Variants in ROBO2 observed in about 807,000 individuals in gnomAD.
The protein encoded by ROBO2 is roundabout homolog 2.
ROBO2 carries 53 observed loss-of-function variants against 160.8 expected under a neutral mutation model. That is an observed-to-expected ratio of 0.33 (90% CI 0.26 to 0.41). ROBO2 has a LOEUF of 0.41. Among genes scored for constraint, ROBO2 ranks in the 10% least tolerant of loss-of-function variants. The pLI, the probability that ROBO2 is intolerant of heterozygous loss-of-function variation, is 1.00. For synonymous variants in ROBO2, 664 were observed against 611.7 expected (o/e 1.09, Z -1.26); for missense variants, 1,577 against 1,722.4 (o/e 0.92, Z 1.49).
chr3:76,684,421 T>C (rs2092641173), intron 2 of ROBO2, among the ~76,000 whole-genome samples: 1 of 152,142 alleles, frequency 6.6e-6, no homozygotes, highest in Non-Finnish European at 1.5e-5. Flanking sequence ...TTAATTCTAC[T>C]TCAATCCCAC....
intron 2 of ROBO2, among the ~76,000 whole-genome samples, chr3:76,243,036 C>T (rs1056273401): frequency 4.6e-5 from 7 of 152,170 alleles, no homozygotes; most frequent in Admixed American, 4.6e-4. Context: ...CTCTTTAAAT[C>T]TGTAAAAACG....
chr3:76,897,232 T>C (rs932058543), intron 2 of ROBO2, among the ~76,000 whole-genome samples: 2 of 152,146 alleles, frequency 1.3e-5, no homozygotes, highest in African/African-American at 4.8e-5. Context: ...ATGCTAATTA[T>C]ATTCTTGTGT....
intron 2 of ROBO2, among the ~76,000 whole-genome samples, chr3:77,271,806 T>C (rs1486241152): frequency 6.6e-6 from 1 of 152,214 alleles, no homozygotes; most frequent in Non-Finnish European, 1.5e-5. Flanking sequence ...TTTACCTTTA[T>C]CATGTAGTTT....
At chr3:76,134,228 G>T (rs2071340879) in intron 2 of ROBO2, among the ~76,000 whole-genome samples, 1 of 151,834 alleles carries the variant, frequency 6.6e-6, no homozygotes, top group African/African-American at 2.4e-5. Context: ...ATTTCTCATG[G>T]CACTCTCTTT....
At chr3:76,853,313 G>A (rs779985900) in intron 2 of ROBO2, among the ~76,000 whole-genome samples, 11 of 152,076 alleles carry the variant, frequency 7.2e-5, no homozygotes, top group Non-Finnish European at 1.3e-4. Context: ...TTTTCCAAGA[G>A]TTACTCAGCC....
At chr3:77,250,929 T>C (rs2090270871) in intron 2 of ROBO2, among the ~76,000 whole-genome samples, 1 of 152,148 alleles carries the variant, frequency 6.6e-6, no homozygotes, top group Non-Finnish European at 1.5e-5. Flanking sequence ...AACAGTGTTG[T>C]AGTGGAGATT....
chr3:77,457,037 C>T (rs1458770119), intron 2 of ROBO2, among the ~76,000 whole-genome samples: 1 of 152,276 alleles, frequency 6.6e-6, no homozygotes, highest in South Asian at 2.1e-4. Flanking sequence ...ATAGAGATTA[C>T]AGTCCCCTCC....
At chr3:76,350,718 A>T (rs1260137615) in intron 2 of ROBO2, among the ~76,000 whole-genome samples, 1 of 152,002 alleles carries the variant, frequency 6.6e-6, no homozygotes, top group African/African-American at 2.4e-5. Context: ...GTATTGAAAA[A>T]TTTTTAAAAG....
At chr3:76,925,521 G>A (rs1047192611) in intron 2 of ROBO2, among the ~76,000 whole-genome samples, 1 of 152,078 alleles carries the variant, frequency 6.6e-6, no homozygotes, top group Non-Finnish European at 1.5e-5. Context: ...ATTAAAATTA[G>A]CTCACATGTA....
intron 2 of ROBO2, among the ~76,000 whole-genome samples, chr3:76,215,052 G>C (rs895564839): frequency 2.0e-5 from 3 of 152,124 alleles, no homozygotes; most frequent in African/African-American, 7.2e-5. Context: ...AGGAAAACAG[G>C]GTCTGGAGTG....
At chr3:77,046,912 C>G (rs1179926893) in intron 1 of ROBO2, among the ~76,000 whole-genome samples, 2 of 152,016 alleles carry the variant, frequency 1.3e-5, no homozygotes, top group Admixed American at 1.3e-4. Context: ...AGGGAAGGTA[C>G]CAAATGTTCA....
intron 2 of ROBO2, among the ~76,000 whole-genome samples, chr3:76,640,608 T>C (rs1192783860): frequency 1.3e-5 from 2 of 151,726 alleles, no homozygotes; most frequent in Non-Finnish European, 2.9e-5. Context: ...TGTGTGTGTG[T>C]GTGTGTGTGT....
chr3:77,356,568 G>C (rs1425184817), intron 2 of ROBO2, among the ~76,000 whole-genome samples: 1 of 152,016 alleles, frequency 6.6e-6, no homozygotes, highest in Admixed American at 6.6e-5. Context: ...TATAACAAAA[G>C]GCAGATTAAT....
At chr3:77,294,004 A>G (rs1271312147) in intron 2 of ROBO2, among the ~76,000 whole-genome samples, 1 of 144,084 alleles carries the variant, frequency 6.9e-6, no homozygotes, top group South Asian at 2.2e-4. Flanking sequence ...TTAAACGGGT[A>G]CACTGAGGCT....
intron 2 of ROBO2, among the ~76,000 whole-genome samples, chr3:77,411,873 AT>A (rs2076833105): frequency 6.6e-6 from 1 of 152,206 alleles, no homozygotes; most frequent in African/African-American, 2.4e-5. Flanking sequence ...GACATTAAAA[AT>A]ATTCTCATCC....
intron 2 of ROBO2, among the ~76,000 whole-genome samples, chr3:76,909,394 T>TAAC (rs1701430803): frequency 6.6e-6 from 1 of 152,096 alleles, no homozygotes. Context: ...CAATAGAATT[T>TAAC]AACTTCAACT....
chr3:76,989,039 C>T (rs1430976881), intron 2 of ROBO2, among the ~76,000 whole-genome samples: 2 of 152,150 alleles, frequency 1.3e-5, no homozygotes, highest in East Asian at 3.9e-4. Context: ...TCCCTAAACA[C>T]CTTCTTAACA....
rs574898273 is a variant in ROBO2, at chr3:76,156,283, A to G, written c.109+218681A>G. Among the ~76,000 whole-genome samples, 3 of 152,216 alleles carry G rather than the reference A, an allele frequency of 2.0e-5. No individual in the cohort carries two copies. The East Asian group carries it at 5.8e-4, about 29-fold the overall frequency. ...AGAAAGTAAGAGGAAGATTTCTTCT[A>G]TGTGCTTAAAGTGACAGAAAAAAAA... On this transcript the variant is annotated intron_variant, in intron 2 of 26. Coordinates refer to the ROBO2 transcript ENST00000487694.
At chr3:75,942,705 A>C (rs1290734708) in intron 2 of ROBO2, among the ~76,000 whole-genome samples, 1 of 152,168 alleles carries the variant, frequency 6.6e-6, no homozygotes, top group Non-Finnish European at 1.5e-5. Context: ...GATTACATGC[A>C]TTCCCATAGC....
Sources: allele counts gnomAD v4.1 joint callset (sites outside exome capture counted in the v4.1 genomes callset), GRCh38; gene constraint gnomAD v4.1.1; transcripts MANE v1.5; gene names NCBI Gene and HGNC (gene_info 2026-07-23, HGNC 2026-07-21).